Variants in MAEL observed in about 807,000 individuals in gnomAD.
The protein encoded by MAEL is maelstrom spermatogenic transposon silencer.
In MAEL, 46 loss-of-function variants were observed where a neutral mutation model predicts 62.0. The observed-to-expected ratio is 0.74, with a 90% CI of 0.59 to 0.95. The LOEUF (loss-of-function observed/expected upper bound fraction) is 0.95, where lower values mean the gene tolerates loss of function less well. Among genes scored for constraint, MAEL ranks in the 40% least tolerant of loss-of-function variants. The pLI is 0.00. For missense variants in MAEL, 497 were observed against 526.8 expected (o/e 0.94, Z 0.55); for synonymous variants, 172 against 175.5 (o/e 0.98, Z 0.16).
At chr1:166,991,987 T>C (rs751777714) in intron 3 of MAEL, among the ~76,000 whole-genome samples, 4 of 152,200 alleles carry the variant, frequency 2.6e-5, no homozygotes, top group Non-Finnish European at 5.9e-5. Context: ...ATATAATTAT[T>C]ATTTGTCAAT....
intron 1 of MAEL, among the ~76,000 whole-genome samples, chr1:166,978,662 T>G (rs902368440): frequency 6.6e-6 from 1 of 152,178 alleles, no homozygotes; most frequent in African/African-American, 2.4e-5. Context: ...CAATGCACAG[T>G]AATGTTTAAG....
intron 5 of MAEL, among the ~76,000 whole-genome samples, chr1:166,998,516 A>G (rs1177873034): frequency 3.3e-5 from 5 of 152,142 alleles, no homozygotes; most frequent in African/African-American, 1.2e-4. Flanking sequence ...TTTCTAATCT[A>G]CATATCTTCA....
chr1:167,004,341 T>C (rs748992465), intron 6 of MAEL, 37 bp downstream of exon 6: 1 of 1,539,330 alleles, frequency 6.5e-7, no homozygotes, highest in South Asian at 1.3e-5. Context: ...AAGGTATCAA[T>C]TTATAGTACC....
chr1:167,015,313 T>C (rs529576029), intron 8 of MAEL, among the ~76,000 whole-genome samples: 1 of 152,332 alleles, frequency 6.6e-6, no homozygotes, highest in East Asian at 1.9e-4. Context: ...ATTTATAGGC[T>C]CACTTTTCTT....
At chr1:166,986,050 C>T (rs1663903712), upstream of MAEL, among the ~76,000 whole-genome samples, 1 of 152,102 alleles carries the variant, frequency 6.6e-6, no homozygotes. Context: ...ATGAAAAATA[C>T]ACTGGATGGA....
intron 8 of MAEL, among the ~76,000 whole-genome samples, chr1:167,006,785 G>A (rs1203088320): frequency 6.6e-6 from 1 of 150,976 alleles, no homozygotes; most frequent in Non-Finnish European, 1.5e-5. Flanking sequence ...ACAGGCACCC[G>A]CCACCATGCC....
chr1:166,999,490 T>G (rs552312353), intron 5 of MAEL, among the ~76,000 whole-genome samples: 63 of 152,354 alleles, frequency 4.1e-4, no homozygotes, highest in African/African-American at 1.4e-3. Context: ...AATAAAAGTC[T>G]GAAGTTTGCA....
chr1:166,990,581 C>A (rs1664128086), intron 2 of MAEL: 1 of 152,056 alleles, frequency 6.6e-6, no homozygotes, highest in Admixed American at 6.5e-5. Flanking sequence ...ATCGCTTGAA[C>A]CCGGGAGGCA....
chr1:166,988,776 C>G (rs996347553), upstream of MAEL, among the ~76,000 whole-genome samples: 1 of 152,106 alleles, frequency 6.6e-6, no homozygotes, highest in African/African-American at 2.4e-5. Context: ...AAATCTCAAC[C>G]TCTTCCTCTG....
intron 8 of MAEL, chr1:167,005,724 G>A (rs1664866185): frequency 5.9e-6 from 1 of 169,660 alleles, no homozygotes; most frequent in African/African-American, 2.4e-5. Flanking sequence ...AAATAAATTG[G>A]CAAAAGTATT....
upstream of MAEL, among the ~76,000 whole-genome samples, chr1:166,985,848 A>C (rs1039380045): frequency 2.6e-5 from 4 of 152,216 alleles, no homozygotes; most frequent in African/African-American, 9.6e-5. Flanking sequence ...ACAGACCCAG[A>C]AATGAAACAG....
At chr1:167,018,751 C>T (rs1425521487) in intron 10 of MAEL, among the ~76,000 whole-genome samples, 1 of 152,144 alleles carries the variant, frequency 6.6e-6, no homozygotes, top group African/African-American at 2.4e-5. Flanking sequence ...TCCAAAATTA[C>T]GTACTTTAGA....
intron 8 of MAEL, among the ~76,000 whole-genome samples, chr1:167,013,934 G>A (rs10918609): frequency 0.081 from 12,397 of 152,206 alleles, 863 homozygotes; most frequent in East Asian, 0.34. Context: ...CTGGGAAGTA[G>A]ACTATTCTTT....
rs936647818 is a variant in MAEL at position 166,991,238 on chromosome 1, T to C, written c.226-140T>C. On this transcript the variant is annotated intron_variant, in intron 2 of 11. Coordinates refer to ENST00000367872, the MANE Select transcript of MAEL (RefSeq NM_032858.3). ...ATTCTGCCTTTGGGTGTTGGTATTATTGACAGATATATTTATTCACTGGAT... is the reference window on the plus strand; with the variant it reads ...ATTCTGCCTTTGGGTGTTGGTATTACTGACAGATATATTTATTCACTGGAT... The C allele has an allele frequency of 6.3e-6, 4 of 633,084 alleles. No individual in the cohort carries two copies. The Admixed American group carries it at 7.1e-5, about 11-fold the overall frequency. The allele number at this position is 633,084 out of a possible 1,614,324, so 39.2% of individuals were successfully genotyped here. A position where few individuals can be genotyped will look rare whatever the true frequency, so the allele number is the denominator to read the frequency against.
At chr1:167,005,192 C>T in intron 7 of MAEL, 62 bp downstream of exon 7, 1 of 1,609,054 alleles carries the variant, frequency 6.2e-7, no homozygotes, top group East Asian at 2.2e-5. Context: ...TTTGTTTCCA[C>T]TTTGATATCT....
rs757239771 is a variant in MAEL at position 166,989,758 on chromosome 1, G to C, written c.154G>C (p.Glu52Gln). 24 of 1,613,928 alleles carry C rather than the reference G, an allele frequency of 1.5e-5. No homozygotes were observed. The Admixed American group carries it at 3.5e-4, about 24-fold the overall frequency. Residue 52 changes from glutamate to glutamine, a missense_variant, in exon 2 of 12, where the codon GAG becomes CAG. Physicochemically the swap from Glu to Gln is conservative, Grantham distance 29 (BLOSUM62 2). Coordinates refer to ENST00000367872, the MANE Select transcript of MAEL (RefSeq NM_032858.3). ...AAAGCTTCTGAGGGAGGAAGAAAAG[G>C]AGAAATACGCAGAAATGGCTCGAGA... The part of the protein sequence containing the change: ...DWALLREEEK[E>Q]KYAEMAREWR...
chr1:166,999,412 C>T (rs1386052448), intron 5 of MAEL, among the ~76,000 whole-genome samples: 1 of 152,196 alleles, frequency 6.6e-6, no homozygotes, highest in Non-Finnish European at 1.5e-5. Flanking sequence ...TAAGCTGAAG[C>T]CTAATACAAA....
At chr1:166,989,673 G>C in intron 1 of MAEL, 64 bp from the exon 2 acceptor site, 1 of 1,531,290 alleles carries the variant, frequency 6.5e-7, no homozygotes. Flanking sequence ...GCATCTGCCT[G>C]CGGGCCCTAG....
chr1:167,021,859 T>C lies in MAEL; in HGVS notation c.*4T>C. 1 of 1,589,336 alleles carries C rather than the reference T, an allele frequency of 6.3e-7. No individual in the cohort carries two copies. Among genetic ancestry groups the C allele is most frequent in the Non-Finnish European group, 8.6e-7 (1 of 1,163,432 alleles). ...ATCTTTCTCTTCCTTATCTTAATGA[T>C]GGTACTCTTTTCAATTTCTGAAAAC... On this transcript the variant is annotated 3_prime_UTR_variant, in exon 12 of 12. Transcript: ENST00000367872.
Sources: gnomAD v4.1 joint callset for allele counts (sites outside exome capture counted in the v4.1 genomes callset) on GRCh38, gnomAD v4.1.1 for gene constraint, MANE v1.5 for transcripts, NCBI Gene and HGNC (gene_info 2026-07-23, HGNC 2026-07-21) for gene names.